RBBP4: variants seen among roughly 807,000 people sequenced by gnomAD.
RBBP4 encodes RB binding protein 4, chromatin remodeling factor.
A neutral mutation model predicts 57.2 loss-of-function variants in RBBP4; 3 were observed. That is an observed-to-expected ratio of 0.05 (90% CI 0.02 to 0.14). The LOEUF is 0.14. Ranked by LOEUF, RBBP4 falls within the 10% of genes least tolerant of loss-of-function variation. The probability of loss-of-function intolerance (pLI) is 1.00; values close to 1 mark genes in which losing one functional copy is unlikely to be tolerated. For synonymous variants in RBBP4, 151 were observed against 171.5 expected (o/e 0.88, Z 0.93); for missense variants, 107 against 520.6 (o/e 0.21, Z 7.73).
Position 32,683,888 on chromosome 1 carries a change from C to T in RBBP4, c.*4183C>T. On this transcript the variant is annotated 3_prime_UTR_variant, in exon 12 of 12. Coordinates refer to ENST00000373493, the MANE Select transcript of RBBP4 (RefSeq NM_005610.3). The stretch of plus-strand genomic sequence containing the variant: ...CTCCAGGTGATCCACCCTCCTCAGC[C>T]TCCCAAAGTGCTAGGATTACAGGCG... 1.1e-6 allele frequency: 1 copy of T among 921,288 alleles called. No individual in the cohort carries two copies. Among genetic ancestry groups the T allele is most frequent in the East Asian group, 2.5e-5 (1 of 39,778 alleles). 57.1% of individuals were successfully genotyped at this position (921,288 alleles called of 1,614,324 possible).
intron 11 of RBBP4, among the ~76,000 whole-genome samples, chr1:32,676,969 G>A (rs1649129972): frequency 6.6e-6 from 1 of 152,092 alleles, no homozygotes; most frequent in Non-Finnish European, 1.5e-5. Flanking sequence ...AGAATTCAAG[G>A]TTAAACTAGA....
chr1:32,673,584 C>G (rs778278194), intron 11 of RBBP4: 7 of 314,670 alleles, frequency 2.2e-5, no homozygotes, highest in Non-Finnish European at 3.7e-5. Flanking sequence ...ACTATAGGTG[C>G]GTACCACCAT....
chr1:32,675,755 C>T (rs556621191), intron 11 of RBBP4, among the ~76,000 whole-genome samples: 9 of 151,636 alleles, frequency 5.9e-5, no homozygotes, highest in East Asian at 2.0e-4. Context: ...GGTGACAGGG[C>T]GAGACTCTGT....
intron 2 of RBBP4, among the ~76,000 whole-genome samples, chr1:32,654,478 G>A (rs940376628): frequency 6.6e-6 from 1 of 152,202 alleles, no homozygotes; most frequent in Non-Finnish European, 1.5e-5. Context: ...TATTGGACTA[G>A]TGGATCACAA....
intron 1 of RBBP4, chr1:32,651,583 G>T (rs1228294705): frequency 4.0e-6 from 4 of 1,011,658 alleles, no homozygotes; most frequent in Non-Finnish European, 5.4e-6. Flanking sequence ...CGGTTTCTCG[G>T]CCTCTGTCCC....
intron 3 of RBBP4, among the ~76,000 whole-genome samples, chr1:32,665,109 A>G (rs2148523711): frequency 6.6e-6 from 1 of 152,294 alleles, no homozygotes; most frequent in Non-Finnish European, 1.5e-5. Context: ...GCACAATAAA[A>G]CGAGCTATGC....
chr1:32,663,437 A>G (rs368524878), intron 3 of RBBP4, among the ~76,000 whole-genome samples: 1 of 152,030 alleles, frequency 6.6e-6, no homozygotes, highest in Non-Finnish European at 1.5e-5. Context: ...TTTGTATTAT[A>G]TTACTATATA....
intron 11 of RBBP4, among the ~76,000 whole-genome samples, chr1:32,679,081 G>T (rs1256141256): frequency 6.6e-6 from 1 of 152,124 alleles, no homozygotes; most frequent in Non-Finnish European, 1.5e-5. Context: ...CAGATCACCT[G>T]AGATCAGGAG....
At chr1:32,653,645 T>G (rs1647998065) in intron 2 of RBBP4, among the ~76,000 whole-genome samples, 4 of 41,046 alleles carry the variant, frequency 9.7e-5, no homozygotes, top group Admixed American at 3.5e-4. Flanking sequence ...TGGTTTTTTT[T>G]TTTTTTTTTT....
chr1:32,669,905 A>G lies in RBBP4; in HGVS notation c.966+342A>G, dbSNP rs1648800216. The stretch of plus-strand genomic sequence containing the variant: ...GAGTCCGTCTCAAAAAAAAAGAAAA[A>G]AGAAAAACCTGGATGTATGAGTGGG... On this transcript the variant is annotated intron_variant, in intron 8 of 11. Coordinates refer to ENST00000373493, the MANE Select transcript of RBBP4 (RefSeq NM_005610.3). This position sits in a 1 kb window ranked among gnomAD's most constrained non-coding sequence, Gnocchi z 4.9. 6.6e-6 allele frequency among the ~76,000 whole-genome samples: 1 copy of G among 152,174 alleles called. No individual in the cohort carries two copies. The highest frequency in any genetic ancestry group is 2.4e-5 in the African/African-American group (1 of 41,446).
At position 32,651,954 on chromosome 1, in the gene RBBP4, G is replaced by A; in HGVS notation, c.57G>A (p.Glu19=). 6.2e-7 allele frequency: 1 copy of A among 1,613,954 alleles called. No individual in the cohort carries two copies. The highest frequency in any genetic ancestry group is 8.5e-7 in the Non-Finnish European group (1 of 1,179,858). Residue 19 remains glutamate, a synonymous_variant, in exon 2 of 12, where the codon GAG becomes GAA. Coordinates refer to ENST00000373493, the MANE Select transcript of RBBP4 (RefSeq NM_005610.3). ...CAGTGGAAGAACGAGTGATCAACGA[G>A]GAATACAAAATATGGAAAAAGAACA... ...DDAVEERVIN[E]EYKIWKKNTP... is the part of the protein sequence containing the mutation.
At chr1:32,667,685 A>G (rs1346227901) in intron 3 of RBBP4, among the ~76,000 whole-genome samples, 2 of 152,120 alleles carry the variant, frequency 1.3e-5, no homozygotes, top group East Asian at 1.9e-4. Context: ...TTAATTTCAG[A>G]TAGTAATATA....
intron 11 of RBBP4, among the ~76,000 whole-genome samples, chr1:32,676,577 A>T (rs1050254235): frequency 6.7e-6 from 1 of 150,014 alleles, no homozygotes; most frequent in African/African-American, 2.5e-5. Context: ...GCACCATTGC[A>T]CTCGAACATG....
chr1:32,675,053 G>A (rs376487884), intron 11 of RBBP4, among the ~76,000 whole-genome samples: 14 of 148,646 alleles, frequency 9.4e-5, no homozygotes, highest in South Asian at 6.4e-4. Context: ...TTTTTGAGAC[G>A]GAGTTTTGTT....
chr1:32,653,896 G>T (rs989003697), intron 2 of RBBP4, among the ~76,000 whole-genome samples: 6 of 151,916 alleles, frequency 3.9e-5, no homozygotes, highest in African/African-American at 1.2e-4. Context: ...CTGACCTCAT[G>T]ATCCACCCGC....
At chr1:32,678,242 G>GT (rs1376541222) in intron 11 of RBBP4, among the ~76,000 whole-genome samples, 5 of 151,878 alleles carry the variant, frequency 3.3e-5, no homozygotes, top group South Asian at 2.1e-4. Flanking sequence ...TTGGACCCCT[G>GT]TTTTTTTTAG....
intron 2 of RBBP4, among the ~76,000 whole-genome samples, chr1:32,654,684 T>G (rs555465948): frequency 3.3e-5 from 5 of 152,246 alleles, no homozygotes; most frequent in African/African-American, 7.2e-5. Context: ...AGAATTGTTT[T>G]TTGTTGTTGT....
In RBBP4 at chr1:32,668,725, C is replaced by G; in HGVS notation, c.485-14C>G. On this transcript the variant is annotated splice_polypyrimidine_tract_variant and intron_variant, in intron 4 of 11. Coordinates refer to ENST00000373493, the MANE Select transcript of RBBP4 (RefSeq NM_005610.3). ...AGTGGACTGGGTAGTCTTGATGTGTCTGTCACTTTGCAGATCCTTCTGGAG... is the reference window on the plus strand; with the variant it reads ...AGTGGACTGGGTAGTCTTGATGTGTGTGTCACTTTGCAGATCCTTCTGGAG... 1 of 1,603,834 alleles carries G rather than the reference C, an allele frequency of 6.2e-7. No homozygotes were observed. Among genetic ancestry groups the G allele is most frequent in the Non-Finnish European group, 8.5e-7 (1 of 1,172,346 alleles).
At chr1:32,655,401 A>G (rs1648094525) in intron 2 of RBBP4, among the ~76,000 whole-genome samples, 1 of 152,160 alleles carries the variant, frequency 6.6e-6, no homozygotes, top group Non-Finnish European at 1.5e-5. Context: ...AAAGAAAGAA[A>G]AACCACGGTT....
Sources: allele counts gnomAD v4.1 joint callset (sites outside exome capture counted in the v4.1 genomes callset), GRCh38; gene constraint gnomAD v4.1.1; non-coding constraint Gnocchi (gnomAD v3.1); transcripts MANE v1.5; gene names NCBI Gene and HGNC (gene_info 2026-07-23, HGNC 2026-07-21).